NECTIN3: variants seen among roughly 807,000 people sequenced by gnomAD.
NECTIN3 encodes nectin-3.
A neutral mutation model predicts 49.4 loss-of-function variants in NECTIN3; 8 were observed. The observed-to-expected ratio is 0.16, with a 90% CI of 0.10 to 0.29. The LOEUF is 0.29. Ranked by LOEUF, NECTIN3 falls within the 10% of genes least tolerant of loss-of-function variation. The pLI is 1.00. For missense variants in NECTIN3, 581 were observed against 654.6 expected (o/e 0.89, Z 1.23); for synonymous variants, 277 against 241.1 (o/e 1.15, Z -1.38).
chr3:111,139,929 G>A (rs2034698440), downstream of NECTIN3, among the ~76,000 whole-genome samples: 1 of 151,766 alleles, frequency 6.6e-6, no homozygotes, highest in South Asian at 2.1e-4. Context: ...CAATATGATT[G>A]CATTTCATTT....
intron 2 of NECTIN3, among the ~76,000 whole-genome samples, chr3:111,115,525 C>G (rs555079461): frequency 6.6e-6 from 1 of 152,302 alleles, no homozygotes; most frequent in South Asian, 2.1e-4. Flanking sequence ...CCCTCTTAGG[C>G]TTATTGAATG....
intron 2 of NECTIN3, among the ~76,000 whole-genome samples, chr3:111,116,637 CA>C (rs1559788276): frequency 6.6e-6 from 1 of 151,864 alleles, no homozygotes; most frequent in East Asian, 1.9e-4. Flanking sequence ...ACTGTTTTCC[CA>C]AATTTATGTA....
chr3:111,159,293 C>T (rs988554333), intron 7 of NECTIN3, among the ~76,000 whole-genome samples: 5 of 152,226 alleles, frequency 3.3e-5, no homozygotes, highest in East Asian at 1.9e-4. Context: ...TATTCCTTTA[C>T]TTCCACTCCC....
At chr3:111,191,209 A>G (rs1053397721), upstream of NECTIN3, among the ~76,000 whole-genome samples, 4 of 152,180 alleles carry the variant, frequency 2.6e-5, no homozygotes, top group Admixed American at 6.5e-5. Flanking sequence ...TTGAATCACT[A>G]TTTACCACTT....
intron 7 of NECTIN3, among the ~76,000 whole-genome samples, chr3:111,177,569 T>C (rs984000762): frequency 2.6e-5 from 4 of 152,194 alleles, no homozygotes. Context: ...TTGATGGCTT[T>C]GTGACAATAC....
At chr3:111,101,595 T>C (rs1368209823) in intron 1 of NECTIN3, among the ~76,000 whole-genome samples, 2 of 152,176 alleles carry the variant, frequency 1.3e-5, no homozygotes, top group South Asian at 2.1e-4. Flanking sequence ...TATTCTAGAA[T>C]TGTGTTATCT....
Position 111,165,612 on chromosome 3 carries a change from G to A in NECTIN3, c.1221+18128G>A, listed in dbSNP as rs544571774. Among the ~76,000 whole-genome samples, 4 of 152,228 alleles carry A rather than the reference G, an allele frequency of 2.6e-5. No individual in the cohort carries two copies. The East Asian group carries it at 7.7e-4, about 29-fold the overall frequency. On this transcript the variant is annotated intron_variant, in intron 7 of 8. Transcript: ENST00000493615. ...GACTAGCCATTGACAAAGCACAAAG[G>A]AAGTCTTTTTAGTTCTGATTTTCCC... is the stretch of plus-strand genomic sequence containing the variant.
intron 1 of NECTIN3, among the ~76,000 whole-genome samples, chr3:111,080,434 T>C (rs1170234534): frequency 6.6e-6 from 1 of 152,132 alleles, no homozygotes; most frequent in Non-Finnish European, 1.5e-5. Context: ...TGACAGCATC[T>C]CTTGAAATAT....
chr3:111,136,172 A>C lies in NECTIN3; in HGVS notation c.*1957A>C, dbSNP rs2034568280. On this transcript the variant is annotated 3_prime_UTR_variant, in exon 6 of 6. Transcript: ENST00000485303. The stretch of plus-strand genomic sequence containing the variant: ...TTAAAATCAAAATTTCATCTTTTAA[A>C]ATAATGGTTTGAAATACTGTATGGA... 1.0e-5 allele frequency: 10 copies of C among 976,474 alleles called. No homozygotes were observed. Among genetic ancestry groups the C allele is most frequent in the Non-Finnish European group, 1.2e-5 (10 of 821,970 alleles). 60.5% of individuals were successfully genotyped at this position (976,474 alleles called of 1,614,324 possible). A position where few individuals can be genotyped will look rare whatever the true frequency, so the allele number is the denominator to read the frequency against.
intron 1 of NECTIN3, among the ~76,000 whole-genome samples, chr3:111,091,863 T>C (rs886974926): frequency 2.0e-5 from 3 of 152,204 alleles, no homozygotes; most frequent in Non-Finnish European, 2.9e-5. Flanking sequence ...TTTTACCTTT[T>C]GAAGAACTAC....
intron 6 of NECTIN3, chr3:111,145,167 G>A (rs1250211800): frequency 9.3e-7 from 1 of 1,075,310 alleles, no homozygotes; most frequent in Non-Finnish European, 1.3e-6. Flanking sequence ...TTTGTTAGAT[G>A]ACCGTGGTTT....
chr3:111,158,654 T>C (rs1035899170), intron 7 of NECTIN3, among the ~76,000 whole-genome samples: 1 of 152,150 alleles, frequency 6.6e-6, no homozygotes, highest in Non-Finnish European at 1.5e-5. Flanking sequence ...GAACTGCATG[T>C]ATGATTGTTA....
At chr3:111,178,924 T>C (rs987229944) in intron 7 of NECTIN3, among the ~76,000 whole-genome samples, 1 of 152,226 alleles carries the variant, frequency 6.6e-6, no homozygotes, top group African/African-American at 2.4e-5. Context: ...GACAGTGATA[T>C]TGCCTCAAGG....
At chr3:111,072,329 G>C in intron 1 of NECTIN3, 152 bp downstream of exon 1, 1 of 1,432,462 alleles carries the variant, frequency 7.0e-7, no homozygotes. Context: ...TTTTCGCCGC[G>C]CCCGGGGCGA....
chr3:111,089,291 ATTTTC>A (rs2032112814), intron 1 of NECTIN3, among the ~76,000 whole-genome samples: 1 of 150,430 alleles, frequency 6.6e-6, no homozygotes, highest in Non-Finnish European at 1.5e-5. Flanking sequence ...CTATTTCATT[ATTTTC>A]TTTTCTATCT....
intron 1 of NECTIN3, among the ~76,000 whole-genome samples, chr3:111,089,563 T>G (rs1160779361): frequency 6.6e-6 from 1 of 152,148 alleles, no homozygotes; most frequent in Non-Finnish European, 1.5e-5. Context: ...ACTCATGGAT[T>G]ATTTTGAGAT....
At chr3:111,077,373 T>C (rs1251999464) in intron 1 of NECTIN3, 2 of 146,382 alleles carry the variant, frequency 1.4e-5, no homozygotes, top group East Asian at 1.1e-4. Flanking sequence ...AGATCAAACT[T>C]GTTCTTAAAT....
rs1389553139 is a variant in NECTIN3 at position 111,112,314 on chromosome 3, A to G, written c.445A>G (p.Lys149Glu). 1 of 1,613,568 alleles carries G rather than the reference A, an allele frequency of 6.2e-7. No individual in the cohort carries two copies. ...GFSDSGKYIC[K>E]AVTFPLGNAQ... ...CTCTGATTCTGGAAAATACATCTGC[A>G]AAGCTGTTACATTCCCGCTTGGAAA... The change falls in exon 2 of 6, where the codon AAA (lysine) becomes GAA (glutamate). Residue 149 changes from lysine to glutamate, a missense_variant. Physicochemically the swap from Lys to Glu is moderately conservative, Grantham distance 56. This residue lies in a region of NECTIN3 where 234 missense variants were observed against 340.6 expected (regional missense o/e 0.69). Transcript: ENST00000485303.
intron 1 of NECTIN3, among the ~76,000 whole-genome samples, chr3:111,091,128 C>T (rs1453139112): frequency 6.6e-6 from 1 of 152,174 alleles, no homozygotes; most frequent in Non-Finnish European, 1.5e-5. Context: ...TAAGTCAGTT[C>T]CCATTTTACC....
Sources: allele counts gnomAD v4.1 joint callset (sites outside exome capture counted in the v4.1 genomes callset), GRCh38; gene constraint gnomAD v4.1.1; regional missense constraint gnomAD v4.1.1; transcripts MANE v1.5; gene names NCBI Gene and HGNC (gene_info 2026-07-23, HGNC 2026-07-21).